Variants in SLFN12L observed in about 807,000 individuals in gnomAD.
SLFN12L encodes schlafen family member 12-like.
Under a neutral mutation model 34.8 loss-of-function variants are expected in SLFN12L, and 34 were observed. The observed-to-expected ratio is 0.98, with a 90% CI of 0.74 to 1.30. The LOEUF (loss-of-function observed/expected upper bound fraction) is 1.30. Ranked by LOEUF, SLFN12L falls within the 50% of genes most tolerant of loss-of-function variation. The pLI is 0.00. For synonymous variants in SLFN12L, 259 were observed against 247.5 expected, an observed-to-expected ratio of 1.05 and a Z score of -0.44; for missense variants, 703 against 696.2, an observed-to-expected ratio of 1.01 and a Z score of -0.11.
At chr17:35,482,053 C>T (rs1914362551) in intron 2 of SLFN12L, among the ~76,000 whole-genome samples, 1 of 151,974 alleles carries the variant, frequency 6.6e-6, no homozygotes, top group Non-Finnish European at 1.5e-5. Flanking sequence ...GTAGAGACAG[C>T]GTTTCACCAT....
chr17:35,525,710 G>A (rs1038567618), intron 1 of SLFN12L, among the ~76,000 whole-genome samples: 7 of 152,126 alleles, frequency 4.6e-5, no homozygotes, highest in Non-Finnish European at 7.4e-5. Context: ...CCTGAAGGAA[G>A]CACTAAACAT....
intron 2 of SLFN12L, chr17:35,515,050 G>A: frequency 1.7e-6 from 1 of 581,096 alleles, no homozygotes; most frequent in South Asian, 1.4e-5. Context: ...TCCTCGGCCA[G>A]CTTCTGTTTC....
In SLFN12L at chr17:35,474,920, G is replaced by A. The variant is rs186011738; in HGVS notation, c.*3C>T. On this transcript the variant is annotated 3_prime_UTR_variant, in exon 5 of 5. Transcript: ENST00000628453. ...CACTCCAGTCTGGGTGACAGAGTGA[G>A]ACTCATCTCAAGAAAAAACAAACAA... The A allele has an allele frequency of 6.5e-7, 1 of 1,538,890 alleles. No individual in the cohort carries two copies. The highest frequency in any genetic ancestry group is 1.4e-5 in the African/African-American group (1 of 72,712).
At chr17:35,477,943 A>C (rs927687663) in intron 4 of SLFN12L, 132 bp downstream of exon 4, 8 of 619,456 alleles carry the variant, frequency 1.3e-5, no homozygotes, top group Admixed American at 3.5e-5. Flanking sequence ...TTCAATGACT[A>C]AAAACACCAA....
chr17:35,519,664 A>C (rs774837099), intron 2 of SLFN12L, among the ~76,000 whole-genome samples: 1 of 152,188 alleles, frequency 6.6e-6, no homozygotes, highest in Non-Finnish European at 1.5e-5. Flanking sequence ...AATACGGTGG[A>C]TCAACCTGGC....
intron 2 of SLFN12L, among the ~76,000 whole-genome samples, chr17:35,488,089 G>T (rs573178574): frequency 3.9e-5 from 6 of 152,150 alleles, no homozygotes; most frequent in African/African-American, 1.4e-4. Flanking sequence ...GGCGCCTGTA[G>T]TCCCAGCTAC....
At chr17:35,508,249 TC>T (rs1305015116) in intron 2 of SLFN12L, among the ~76,000 whole-genome samples, 14 of 152,208 alleles carry the variant, frequency 9.2e-5, no homozygotes, top group African/African-American at 3.1e-4. Context: ...CAGGAATTGC[TC>T]ACTCGGGGAG....
intron 2 of SLFN12L, among the ~76,000 whole-genome samples, chr17:35,520,058 C>G (rs1915953378): frequency 6.6e-6 from 1 of 152,164 alleles, no homozygotes; most frequent in Non-Finnish European, 1.5e-5. Flanking sequence ...GGACCTAAAG[C>G]CTTGACAGGC....
In SLFN12L at chr17:35,473,130, G is replaced by A. The variant is rs1421600773; in HGVS notation, c.*1793C>T. 6.6e-6 allele frequency among the ~76,000 whole-genome samples: 1 copy of A among 152,006 alleles called. No individual in the cohort carries two copies. Among genetic ancestry groups the A allele is most frequent in the African/African-American group, 2.4e-5 (1 of 41,384 alleles). On this transcript the variant is annotated 3_prime_UTR_variant, in exon 5 of 5. Transcript: ENST00000628453. ...AATTTGACTTCCTCTCTTCCTATTC[G>A]AATACCTTTATTTCTTTCTCTTGCC...
At chr17:35,476,911 A>C (rs941373075) in intron 4 of SLFN12L, among the ~76,000 whole-genome samples, 10 of 152,218 alleles carry the variant, frequency 6.6e-5, no homozygotes, top group Admixed American at 1.3e-4. Flanking sequence ...AAATTACTAG[A>C]AAATAAGAGA....
At position 35,478,185 on chromosome 17, in the gene SLFN12L, A is replaced by C; in HGVS notation, c.1166T>G (p.Val389Gly). The change falls in exon 4 of 5, where the codon GTA (valine) becomes GGA (glycine). Residue 389 changes from valine (V) to glycine (G), a missense_variant and splice_region_variant. Transcript: ENST00000628453. ...WIQFMVDSEP[V>G]CEELPSPAST... The stretch of plus-strand genomic sequence containing the variant: ...TGCTGGAGAGGGCAGTTCCTCACAT[A>C]CTATGGAATAATGTTAGAAAACAAA... 6.6e-7 allele frequency: 1 copy of C among 1,524,874 alleles called. No individual in the cohort carries two copies. Among genetic ancestry groups the C allele is most frequent in the South Asian group, 1.2e-5 (1 of 82,622 alleles). 94.5% of individuals were successfully genotyped at this position (1,524,874 alleles called of 1,614,324 possible). A position where few individuals can be genotyped will look rare whatever the true frequency, so the allele number is the denominator to read the frequency against.
intron 4 of SLFN12L, among the ~76,000 whole-genome samples, chr17:35,477,467 T>A (rs1253456467): frequency 6.6e-6 from 1 of 152,016 alleles, no homozygotes; most frequent in African/African-American, 2.4e-5. Context: ...GAATATGCCT[T>A]GGGAAAAGAG....
intron 2 of SLFN12L, among the ~76,000 whole-genome samples, chr17:35,520,534 C>A (rs1011551794): frequency 1.3e-5 from 2 of 152,186 alleles, no homozygotes; most frequent in African/African-American, 4.8e-5. Context: ...CACCTGAGGT[C>A]AGGAGTTCAA....
intron 4 of SLFN12L, among the ~76,000 whole-genome samples, chr17:35,475,922 T>C (rs1211968360): frequency 6.8e-6 from 1 of 146,296 alleles, no homozygotes; most frequent in African/African-American, 2.5e-5. Flanking sequence ...CATATATATA[T>C]ATTTTTTTAA....
intron 2 of SLFN12L, among the ~76,000 whole-genome samples, chr17:35,512,054 C>T (rs552419692): frequency 6.6e-6 from 1 of 152,196 alleles, no homozygotes; most frequent in South Asian, 2.1e-4. Flanking sequence ...ATTTGGCCAG[C>T]ATCACCACAG....
chr17:35,518,193 AC>A (rs1249804605), intron 2 of SLFN12L, among the ~76,000 whole-genome samples: 1 of 152,220 alleles, frequency 6.6e-6, no homozygotes, highest in Non-Finnish European at 1.5e-5. Flanking sequence ...AAACAAATTT[AC>A]AAGAGAAAAA....
At chr17:35,483,245 G>A (rs2142133157) in intron 2 of SLFN12L, among the ~76,000 whole-genome samples, 1 of 152,280 alleles carries the variant, frequency 6.6e-6, no homozygotes, top group Non-Finnish European at 1.5e-5. Context: ...CCTACAGAGA[G>A]GAGTTACTCA....
chr17:35,491,011 G>C (rs147131027), intron 2 of SLFN12L: 1 of 788,536 alleles, frequency 1.3e-6, no homozygotes, highest in South Asian at 1.3e-5. Flanking sequence ...TTTCTCCTCC[G>C]GCCTCCCCAG....
intron 2 of SLFN12L, among the ~76,000 whole-genome samples, chr17:35,519,246 C>T (rs1915929103): frequency 6.6e-6 from 1 of 152,100 alleles, no homozygotes; most frequent in Non-Finnish European, 1.5e-5. Flanking sequence ...GCATGCACGG[C>T]TTAAAATCTA....
Sources: gnomAD v4.1 joint callset for allele counts (sites outside exome capture counted in the v4.1 genomes callset) on GRCh38, gnomAD v4.1.1 for gene constraint, MANE v1.5 for transcripts, NCBI Gene and HGNC (gene_info 2026-07-23, HGNC 2026-07-21) for gene names.